Variants in ARID4B observed in about 807,000 individuals in gnomAD.
ARID4B encodes AT-rich interaction domain 4B.
ARID4B carries 26 observed loss-of-function variants against 147.5 expected under a neutral mutation model. The ratio of observed to expected loss-of-function variants is 0.18; its 90% CI spans 0.13 to 0.24. The LOEUF is 0.24. Among genes scored for constraint, ARID4B ranks in the 10% least tolerant of loss-of-function variants. ARID4B has a pLI of 1.00. For synonymous variants in ARID4B, 512 were observed against 507.9 expected, an observed-to-expected ratio of 1.01 and a Z score of -0.11; for missense variants, 1,179 against 1,511.5, an observed-to-expected ratio of 0.78 and a Z score of 3.65.
intron 2 of ARID4B, among the ~76,000 whole-genome samples, chr1:235,304,209 G>A (rs1470043658): frequency 2.0e-5 from 3 of 151,996 alleles, no homozygotes; most frequent in South Asian, 2.1e-4. Flanking sequence ...CTTGCCAGGC[G>A]TGGTGGCATA....
chr1:235,301,476 T>C (rs1157986083), intron 2 of ARID4B, among the ~76,000 whole-genome samples: 1 of 150,144 alleles, frequency 6.7e-6, no homozygotes, highest in East Asian at 2.0e-4. Context: ...AAAGTCAAGG[T>C]TGCAGTGAGC....
chr1:235,253,861 CTTCTT>C (rs1310261717), intron 5 of ARID4B, among the ~76,000 whole-genome samples: 2 of 152,096 alleles, frequency 1.3e-5, no homozygotes, highest in Admixed American at 1.3e-4. Context: ...ATTAGATACT[CTTCTT>C]TCCTTTTCTT....
At chr1:235,308,493 C>T (rs1196133671) in intron 2 of ARID4B, among the ~76,000 whole-genome samples, 3 of 148,790 alleles carry the variant, frequency 2.0e-5, no homozygotes, top group Admixed American at 6.7e-5. Context: ...TCTCCCTCTC[C>T]CTCTCTTTCC....
chr1:235,314,643 G>A (rs1674303025), intron 2 of ARID4B, among the ~76,000 whole-genome samples: 1 of 152,120 alleles, frequency 6.6e-6, no homozygotes, highest in African/African-American at 2.4e-5. Context: ...GCATCACTAA[G>A]TAGCAGGAAA....
chr1:235,198,702 C>G lies in ARID4B; in HGVS notation c.1842-2587G>C, dbSNP rs1329204306. 2.6e-5 allele frequency among the ~76,000 whole-genome samples: 4 copies of G among 152,242 alleles called. No homozygotes were observed. The South Asian group carries it at 8.3e-4, about 32-fold the overall frequency. On this transcript the variant is annotated intron_variant, in intron 17 of 23. Coordinates refer to ENST00000264183, the MANE Select transcript of ARID4B (RefSeq NM_016374.6). ...GATGTCAAAAGTGTGTTGGAGCAGG[C>G]AGGACACACACACAAAAATAAATTC...
At chr1:235,323,171 G>A (rs1315862431) in intron 2 of ARID4B, among the ~76,000 whole-genome samples, 1 of 151,770 alleles carries the variant, frequency 6.6e-6, no homozygotes, top group Non-Finnish European at 1.5e-5. Context: ...CTGAGTAGCT[G>A]GGAATACAGG....
chr1:235,177,713 C>G lies in ARID4B; in HGVS notation c.3448+87G>C. 10 of 843,826 alleles carry G rather than the reference C, an allele frequency of 1.2e-5. 1 individual carries two copies. In the South Asian group the frequency reaches 1.7e-4, roughly 14 times the overall value. 52.3% of individuals were successfully genotyped at this position (843,826 alleles called of 1,614,324 possible). On this transcript the variant is annotated intron_variant, in intron 21 of 23. Coordinates refer to ENST00000264183, the MANE Select transcript of ARID4B (RefSeq NM_016374.6). ...AGACAAAATCAAAATAGTGTACTATCCCATACCCTGAATACCATTTTCTTA... is the reference window on the plus strand; with the variant it reads ...AGACAAAATCAAAATAGTGTACTATGCCATACCCTGAATACCATTTTCTTA...
Position 235,260,754 on chromosome 1 carries a change from T to TA in ARID4B, c.7-3dup, listed in dbSNP as rs1462236260. The stretch of plus-strand genomic sequence containing the variant: ...CAAATAGGGAGGCTCATCAAGGGCC[T>TA]AAAAATGCAAAGAAATATAATTAGA... On this transcript the variant is annotated splice_region_variant and splice_polypyrimidine_tract_variant and intron_variant, in intron 2 of 23. Coordinates refer to ENST00000264183, the MANE Select transcript of ARID4B (RefSeq NM_016374.6). 1 of 1,584,710 alleles carries TA rather than the reference T, an allele frequency of 6.3e-7. No individual in the cohort carries two copies. The highest frequency in any genetic ancestry group is 1.8e-5 in the Admixed American group (1 of 56,240).
intron 17 of ARID4B, among the ~76,000 whole-genome samples, chr1:235,204,960 A>G (rs1198949988): frequency 6.6e-6 from 1 of 152,210 alleles, no homozygotes; most frequent in Non-Finnish European, 1.5e-5. Context: ...TTGTACTCAA[A>G]ATCTATGGTT....
chr1:235,298,580 G>T (rs1308464037), intron 2 of ARID4B, among the ~76,000 whole-genome samples: 2 of 147,874 alleles, frequency 1.4e-5, no homozygotes, highest in Non-Finnish European at 3.0e-5. Flanking sequence ...CCATATATAT[G>T]AATATAATGT....
chr1:235,214,831 T>C (rs1214304173), intron 16 of ARID4B, among the ~76,000 whole-genome samples: 2 of 130,834 alleles, frequency 1.5e-5, no homozygotes, highest in East Asian at 4.5e-4. Context: ...GAAAGAGTAT[T>C]ACATCCTTTT....
At chr1:235,256,173 C>CAAAAAA (rs58486379) in intron 4 of ARID4B, among the ~76,000 whole-genome samples, 30,446 of 90,982 alleles carry the variant, frequency 0.33, 4,973 homozygotes, top group South Asian at 0.51. Context: ...GACTCTGCCT[C>CAAAAAA]AAAAAAAAAA....
At chr1:235,190,937 T>G (rs1353321454) in intron 19 of ARID4B, among the ~76,000 whole-genome samples, 1 of 152,212 alleles carries the variant, frequency 6.6e-6, no homozygotes, top group African/African-American at 2.4e-5. Flanking sequence ...CAGGCTATTA[T>G]CATTAAGCTA....
chr1:235,248,580 AAGAG>A (rs936452301), intron 6 of ARID4B, among the ~76,000 whole-genome samples: 28 of 152,236 alleles, frequency 1.8e-4, no homozygotes, highest in Admixed American at 7.2e-4. Flanking sequence ...AGAAAAATAA[AAGAG>A]AGAGAGAGAT....
rs1461688739 is a variant in ARID4B at position 235,182,680 on chromosome 1, C to T, written c.2239G>A (p.Asp747Asn). 4 of 1,613,654 alleles carry T rather than the reference C, an allele frequency of 2.5e-6. No homozygotes were observed. Among genetic ancestry groups the T allele is most frequent in the Non-Finnish European group, 3.4e-6 (4 of 1,180,000 alleles). Residue 747 changes from aspartate (D) to asparagine (N), a missense_variant, in exon 20 of 24, where the codon GAT (aspartate) becomes AAT (asparagine). Coordinates refer to ENST00000264183, the MANE Select transcript of ARID4B (RefSeq NM_016374.6). ...TTCTGTTCCTCCTTTGAAATAAGAT[C>T]ATTTCTGTTGTTGGTCAAATGATCA... ...KIDHLTNNRN[D>N]LISKEEQNSS... is the part of the protein sequence containing the mutation.
In ARID4B at chr1:235,328,053, G is replaced by A. The variant is rs1486063654; in HGVS notation, c.-334C>T. On this transcript the variant is annotated 5_prime_UTR_variant, in exon 1 of 24. Transcript: ENST00000264183. ...TGCCCTCCAGAGGACGGCGGCGATG[G>A]ACCCTCTGCAGCTCCCTCCGGGCAA... The A allele has an allele frequency of 6.5e-6, 1 of 152,792 alleles. No homozygotes were observed. Among genetic ancestry groups the A allele is most frequent in the Non-Finnish European group, 1.5e-5 (1 of 68,228 alleles). The allele number at this position is 152,792 out of a possible 1,614,324, so 9.5% of individuals were successfully genotyped here.
At chr1:235,322,423 C>G (rs1017672121) in intron 2 of ARID4B, among the ~76,000 whole-genome samples, 2 of 152,180 alleles carry the variant, frequency 1.3e-5, no homozygotes, top group African/African-American at 4.8e-5. Context: ...CACCAAATTA[C>G]TTACAGTTTC....
At chr1:235,237,430 T>C (rs758437504) in intron 8 of ARID4B, among the ~76,000 whole-genome samples, 2 of 152,180 alleles carry the variant, frequency 1.3e-5, no homozygotes, top group Non-Finnish European at 2.9e-5. Flanking sequence ...TACAAAGGTA[T>C]TATAAAATAT....
intron 2 of ARID4B, among the ~76,000 whole-genome samples, chr1:235,262,362 T>A: frequency 6.6e-6 from 1 of 152,104 alleles, no homozygotes; most frequent in East Asian, 1.9e-4. Flanking sequence ...AACATATCAG[T>A]TATACAATTT....
Sources: allele counts gnomAD v4.1 joint callset (sites outside exome capture counted in the v4.1 genomes callset), GRCh38; gene constraint gnomAD v4.1.1; transcripts MANE v1.5; gene names NCBI Gene and HGNC (gene_info 2026-07-23, HGNC 2026-07-21).